The following DSCAM variants were observed in gnomAD, a reference collection of about 807,000 sequenced individuals.
The protein encoded by DSCAM is cell adhesion molecule DSCAM.
In DSCAM, 47 loss-of-function variants were observed where a neutral mutation model predicts 217.7. The observed-to-expected ratio is 0.22, with a 90% CI of 0.17 to 0.28. DSCAM has a LOEUF of 0.28. Ranked by LOEUF, DSCAM falls within the 10% of genes least tolerant of loss-of-function variation. DSCAM has a pLI of 1.00. For missense variants in DSCAM, 2,080 were observed against 2,618.3 expected (o/e 0.79, Z 4.49); for synonymous variants, 1,056 against 1,015.3 (o/e 1.04, Z -0.76).
At chr21:40,822,189 C>A (rs553264453) in intron 1 of DSCAM, among the ~76,000 whole-genome samples, 3 of 151,642 alleles carry the variant, frequency 2.0e-5, no homozygotes, top group African/African-American at 7.3e-5. Flanking sequence ...CATGGTAGAA[C>A]ATGCCTGTAG....
intron 21 of DSCAM, among the ~76,000 whole-genome samples, chr21:40,090,142 C>T (rs1404086495): frequency 1.3e-5 from 2 of 152,178 alleles, no homozygotes; most frequent in East Asian, 1.9e-4. Flanking sequence ...CTGGCATTTC[C>T]TCCTCTAAAC....
chr21:40,101,119 C>T (rs2089744660), intron 20 of DSCAM, among the ~76,000 whole-genome samples: 1 of 152,188 alleles, frequency 6.6e-6, no homozygotes, highest in Admixed American at 6.5e-5. Context: ...TTTAATCCTG[C>T]TCTGTCTATG....
chr21:40,046,954 A>G (rs1403125996), intron 30 of DSCAM, among the ~76,000 whole-genome samples: 2 of 152,010 alleles, frequency 1.3e-5, no homozygotes, highest in African/African-American at 4.8e-5. Flanking sequence ...ATTCCATGGG[A>G]AAGTCGCACA....
intron 3 of DSCAM, among the ~76,000 whole-genome samples, chr21:40,519,335 GA>G (rs910320332): frequency 6.6e-6 from 1 of 152,044 alleles, no homozygotes; most frequent in African/African-American, 2.4e-5. Context: ...AGAACCTTAT[GA>G]AAAAAAGTCT....
chr21:40,448,584 CTATT>C (rs1315799581), intron 3 of DSCAM, among the ~76,000 whole-genome samples: 1 of 151,984 alleles, frequency 6.6e-6, no homozygotes, highest in Non-Finnish European at 1.5e-5. Context: ...AATAATCAAT[CTATT>C]TATCTATAAT....
intron 32 of DSCAM, among the ~76,000 whole-genome samples, chr21:40,039,851 C>A (rs1276979538): frequency 6.6e-6 from 1 of 151,904 alleles, no homozygotes; most frequent in East Asian, 1.9e-4. Context: ...AAAAAAAGGA[C>A]CATCAGAAAA....
intron 20 of DSCAM, among the ~76,000 whole-genome samples, chr21:40,096,270 C>T (rs1568938156): frequency 6.6e-6 from 1 of 152,202 alleles, no homozygotes; most frequent in South Asian, 2.1e-4. Context: ...AGTTGTCCTG[C>T]CTTTTCAGAT....
At chr21:40,472,255 T>G (rs892023926) in intron 3 of DSCAM, among the ~76,000 whole-genome samples, 5 of 152,238 alleles carry the variant, frequency 3.3e-5, no homozygotes, top group Non-Finnish European at 7.3e-5. Context: ...TGTGGACACT[T>G]CATTCTTCAG....
chr21:40,351,955 G>A (rs2074635744), intron 5 of DSCAM, among the ~76,000 whole-genome samples: 3 of 152,144 alleles, frequency 2.0e-5, no homozygotes, highest in African/African-American at 4.8e-5. Flanking sequence ...AATGTGACTT[G>A]CAATCAGGAA....
intron 3 of DSCAM, among the ~76,000 whole-genome samples, chr21:40,615,738 C>A (rs1289537428): frequency 6.6e-6 from 1 of 152,052 alleles, no homozygotes; most frequent in Non-Finnish European, 1.5e-5. Flanking sequence ...ACAGATGGAG[C>A]TAAAGTCTTT....
At chr21:40,463,730 G>A (rs62225470) in intron 3 of DSCAM, among the ~76,000 whole-genome samples, 10,465 of 152,196 alleles carry the variant, frequency 0.069, 440 homozygotes, top group South Asian at 0.14. Context: ...CTCCTTAGAG[G>A]CTGGTTCCAG....
rs752883089 is a variant in DSCAM, at chr21:40,713,876, C to A, written c.44-5105G>T. Among the ~76,000 whole-genome samples the A allele has an allele frequency of 2.1e-3, 314 of 152,226 alleles. 2 individuals are homozygous for A. The highest frequency in any genetic ancestry group is 3.8e-3 in the Non-Finnish European group (261 of 68,012). Reference sequence around the variant, plus strand: ...ATAACTAGATGAGCTAATAACTAGGCCTGGGCACTCTCCGTGGCTTGCTAC... The same window carrying A: ...ATAACTAGATGAGCTAATAACTAGGACTGGGCACTCTCCGTGGCTTGCTAC... On this transcript the variant is annotated intron_variant, in intron 1 of 32. Coordinates refer to ENST00000400454, the MANE Select transcript of DSCAM (RefSeq NM_001389.5).
chr21:40,249,276 G>A (rs992924056), intron 11 of DSCAM, among the ~76,000 whole-genome samples: 34 of 152,162 alleles, frequency 2.2e-4, no homozygotes, highest in Non-Finnish European at 8.8e-5. Context: ...TGTTGTGGGA[G>A]GGACCAGGTA....
At chr21:40,290,316 T>C (rs1026195151) in intron 10 of DSCAM, among the ~76,000 whole-genome samples, 3 of 152,152 alleles carry the variant, frequency 2.0e-5, no homozygotes, top group African/African-American at 7.2e-5. Flanking sequence ...CACCAAATTA[T>C]AGACTAAAAA....
intron 16 of DSCAM, among the ~76,000 whole-genome samples, chr21:40,166,881 A>G (rs2090600457): frequency 6.6e-6 from 1 of 152,102 alleles, no homozygotes; most frequent in South Asian, 2.1e-4. Flanking sequence ...AAAAAAAGCA[A>G]TTTGAAAACA....
chr21:40,472,832 T>C (rs1044711262), intron 3 of DSCAM, among the ~76,000 whole-genome samples: 11 of 152,174 alleles, frequency 7.2e-5, no homozygotes, highest in African/African-American at 2.7e-4. Flanking sequence ...CCAATATGCA[T>C]GTGTGATGCA....
chr21:40,505,016 G>A lies in DSCAM; in HGVS notation c.509-135771C>T, dbSNP rs373208812. Reference sequence around the variant, plus strand: ...GCTATGTTACTCAGAAGATTCAAAGGAAGACTGAGGCCACCACCAGGTGGA... The same window carrying A: ...GCTATGTTACTCAGAAGATTCAAAGAAAGACTGAGGCCACCACCAGGTGGA... On this transcript the variant is annotated intron_variant, in intron 3 of 32. Transcript: ENST00000400454. Among the ~76,000 whole-genome samples, 68 of 152,292 alleles carry A rather than the reference G, an allele frequency of 4.5e-4. 1 individual carries two copies. In the South Asian group the frequency reaches 0.014, roughly 31 times the overall value.
At chr21:40,631,446 G>A (rs1415014759) in intron 3 of DSCAM, among the ~76,000 whole-genome samples, 1 of 152,168 alleles carries the variant, frequency 6.6e-6, no homozygotes, top group African/African-American at 2.4e-5. Flanking sequence ...TCTGAATTCT[G>A]GGCATGGTTT....
chr21:40,075,621 T>C, intron 26 of DSCAM, among the ~76,000 whole-genome samples: 1 of 152,148 alleles, frequency 6.6e-6, no homozygotes, highest in East Asian at 1.9e-4. Context: ...GTTGGGCAAA[T>C]GGACAGAAGC....
Sources: allele counts gnomAD v4.1 joint callset (sites outside exome capture counted in the v4.1 genomes callset), GRCh38; gene constraint gnomAD v4.1.1; transcripts MANE v1.5; gene names NCBI Gene and HGNC (gene_info 2026-07-23, HGNC 2026-07-21).